METTL15: variants seen among roughly 807,000 people sequenced by gnomAD.
METTL15 encodes 12S rRNA N(4)-cytidine methyltransferase METTL15.
Under a neutral mutation model 38.3 loss-of-function variants are expected in METTL15, and 34 were observed. That is an observed-to-expected ratio of 0.89 (90% CI 0.68 to 1.18). The LOEUF (loss-of-function observed/expected upper bound fraction) is 1.18, where lower values mean the gene tolerates loss of function less well. Ranked by LOEUF, METTL15 falls within the 50% of genes most tolerant of loss-of-function variation. The pLI, the probability that METTL15 is intolerant of heterozygous loss-of-function variation, is 0.00. For missense variants in METTL15, 438 were observed against 498.4 expected (o/e 0.88, Z 1.15); for synonymous variants, 162 against 170.9 (o/e 0.95, Z 0.41).
intron 6 of METTL15, among the ~76,000 whole-genome samples, chr11:28,455,548 C>A (rs749375752): frequency 2.6e-5 from 4 of 152,110 alleles, no homozygotes; most frequent in Non-Finnish European, 4.4e-5. Context: ...AGATTTTACC[C>A]ACTTCCAGCG....
At chr11:28,205,125 C>CT (rs1852271248) in intron 3 of METTL15, among the ~76,000 whole-genome samples, 1 of 151,662 alleles carries the variant, frequency 6.6e-6, no homozygotes, top group Non-Finnish European at 1.5e-5. Flanking sequence ...TTTTATTATA[C>CT]TTTAAGTTTT....
At chr11:28,491,226 T>C (rs191507437) in intron 6 of METTL15, among the ~76,000 whole-genome samples, 3 of 152,170 alleles carry the variant, frequency 2.0e-5, no homozygotes, top group East Asian at 3.9e-4. Flanking sequence ...TGCATAAGAG[T>C]ACAAAGCTGT....
chr11:28,395,856 T>G (rs1850562585), intron 5 of METTL15, among the ~76,000 whole-genome samples: 1 of 152,130 alleles, frequency 6.6e-6, no homozygotes, highest in Admixed American at 6.6e-5. Context: ...AATAACATAC[T>G]GGCAAACCGA....
chr11:28,428,312 T>C (rs987320470), intron 6 of METTL15, among the ~76,000 whole-genome samples: 4 of 152,132 alleles, frequency 2.6e-5, no homozygotes, highest in African/African-American at 9.7e-5. Flanking sequence ...TAGGTAGACA[T>C]AGAAAAGGTA....
intron 3 of METTL15, among the ~76,000 whole-genome samples, chr11:28,158,084 G>A (rs1850326170): frequency 6.6e-6 from 1 of 152,202 alleles, no homozygotes; most frequent in Non-Finnish European, 1.5e-5. Flanking sequence ...GCTGTAGCCA[G>A]TGGCTTGGCT....
At chr11:28,197,818 T>A (rs1851965351) in intron 3 of METTL15, among the ~76,000 whole-genome samples, 1 of 152,114 alleles carries the variant, frequency 6.6e-6, no homozygotes, top group African/African-American at 2.4e-5. Context: ...GGAGGCCAAG[T>A]CATAGAAAAT....
downstream of METTL15, among the ~76,000 whole-genome samples, chr11:28,336,671 C>T (rs550961414): frequency 7.0e-4 from 107 of 152,316 alleles, no homozygotes; most frequent in Non-Finnish European, 6.8e-4. Context: ...CACCTTGTGA[C>T]ATCTTAACCA....
At chr11:28,439,930 G>C (rs965527070) in intron 6 of METTL15, among the ~76,000 whole-genome samples, 3 of 152,142 alleles carry the variant, frequency 2.0e-5, no homozygotes, top group Non-Finnish European at 4.4e-5. Context: ...ATCAATTTTG[G>C]CATTTAGTTG....
chr11:28,465,727 C>T (rs912921325), intron 6 of METTL15, among the ~76,000 whole-genome samples: 1 of 152,150 alleles, frequency 6.6e-6, no homozygotes, highest in African/African-American at 2.4e-5. Flanking sequence ...CCTGATTTAT[C>T]CTATACTACA....
chr11:28,332,605 T>C lies in METTL15; in HGVS notation c.*1764T>C, dbSNP rs909131552. Reference sequence around the variant, plus strand: ...TGGTTGTGGTTGTAAGTAGCTAAGATGAGGTCATACTGGAGCAGGGCAGGC... The same window carrying C: ...TGGTTGTGGTTGTAAGTAGCTAAGACGAGGTCATACTGGAGCAGGGCAGGC... On this transcript the variant is annotated 3_prime_UTR_variant, in exon 7 of 7. Transcript: ENST00000407364. 4.7e-5 allele frequency: 7 copies of C among 148,184 alleles called. No homozygotes were observed. The highest frequency in any genetic ancestry group is 1.8e-4 in the African/African-American group (7 of 38,876). 9.2% of individuals were successfully genotyped at this position (148,184 alleles called of 1,614,324 possible).
intron 3 of METTL15, among the ~76,000 whole-genome samples, chr11:28,165,773 G>A (rs1169529372): frequency 6.6e-6 from 1 of 151,966 alleles, no homozygotes; most frequent in Non-Finnish European, 1.5e-5. Context: ...TCTTCTAGTA[G>A]TTTTCGTATT....
intron 6 of METTL15, among the ~76,000 whole-genome samples, chr11:28,442,314 C>T (rs1851041566): frequency 6.6e-6 from 1 of 152,162 alleles, no homozygotes; most frequent in East Asian, 1.9e-4. Flanking sequence ...GGGCATATTT[C>T]CTGAAGGGTG....
chr11:28,286,625 A>G (rs186981984), intron 4 of METTL15, among the ~76,000 whole-genome samples: 1 of 152,194 alleles, frequency 6.6e-6, no homozygotes, highest in African/African-American at 2.4e-5. Context: ...GTAAAAAAGA[A>G]CTGTTTAACA....
chr11:28,239,244 C>T (rs930880882), intron 4 of METTL15, among the ~76,000 whole-genome samples: 1 of 152,180 alleles, frequency 6.6e-6, no homozygotes, highest in Non-Finnish European at 1.5e-5. Flanking sequence ...AACTTTTGAT[C>T]TTCTCCTTAA....
chr11:28,258,675 A>G (rs1230932722), intron 4 of METTL15, among the ~76,000 whole-genome samples: 1 of 152,134 alleles, frequency 6.6e-6, no homozygotes, highest in Non-Finnish European at 1.5e-5. Context: ...CCCATGGGGA[A>G]TACTGCCAGA....
rs1436076841 is a variant in METTL15, at chr11:28,430,644, A to T, written c.*424+6280A>T. ...GGCCAGCCACCCCGTCTGGGAGGTG[A>T]GGGGCGCCTCTGCCCGGCCACCCCT... On this transcript the variant is annotated intron_variant and NMD_transcript_variant, in intron 6 of 7. Transcript: ENST00000532947. Among the ~76,000 whole-genome samples, 2 of 68,982 alleles carry T rather than the reference A, an allele frequency of 2.9e-5. 1 individual carries two copies. The highest frequency in any genetic ancestry group is 5.8e-5 in the Non-Finnish European group (2 of 34,224). 45.3% of individuals were successfully genotyped at this position (68,982 alleles called of 152,430 possible). A position where few individuals can be genotyped will look rare whatever the true frequency, so the allele number is the denominator to read the frequency against.
intron 6 of METTL15, among the ~76,000 whole-genome samples, chr11:28,303,650 T>C (rs1412387602): frequency 2.0e-5 from 3 of 152,148 alleles, no homozygotes; most frequent in Non-Finnish European, 4.4e-5. Flanking sequence ...ATAAACTGGG[T>C]ACATAACCAG....
rs958938955 is a variant in METTL15 at position 28,180,041 on chromosome 11, T to C, written c.271-31021T>C. Among the ~76,000 whole-genome samples the C allele has an allele frequency of 1.4e-4, 22 of 151,852 alleles. 1 individual carries two copies. ...ACTCAAATGGTCTAAAGTTGGGATC[T>C]TTATTATCTCCTCACCCATACCTTC... On this transcript the variant is annotated intron_variant, in intron 3 of 6. Transcript: ENST00000407364.
At chr11:28,327,313 G>GT (rs1849668824) in intron 6 of METTL15, among the ~76,000 whole-genome samples, 1 of 152,172 alleles carries the variant, frequency 6.6e-6, no homozygotes, top group African/African-American at 2.4e-5. Context: ...ATAGATTAAA[G>GT]TTCCCCTATT....
Sources: allele counts gnomAD v4.1 joint callset (sites outside exome capture counted in the v4.1 genomes callset), GRCh38; gene constraint gnomAD v4.1.1; transcripts MANE v1.5; gene names NCBI Gene and HGNC (gene_info 2026-07-23, HGNC 2026-07-21).